The following BRCA1 variants were observed in gnomAD, a reference collection of about 807,000 sequenced individuals.
The protein encoded by BRCA1 is breast cancer type 1 susceptibility protein.
In BRCA1, 140 loss-of-function variants were observed where a neutral mutation model predicts 173.7. The ratio of observed to expected loss-of-function variants is 0.81; its 90% confidence interval spans 0.70 to 0.93. BRCA1 has a LOEUF of 0.93. Ranked by LOEUF, BRCA1 falls within the 40% of genes least tolerant of loss-of-function variation. BRCA1 has a pLI of 0.00. For synonymous variants in BRCA1, 662 were observed against 756.0 expected (o/e 0.88, Z 2.04); for missense variants, 1,983 against 2,172.5 (o/e 0.91, Z 1.73).
chr17:43,138,523 A>G lies in BRCA1; in HGVS notation c.-19-14408T>C, dbSNP rs139632350. The G allele has an allele frequency of 9.1e-6, 6 of 660,362 alleles. No individual in the cohort carries two copies. In the East Asian group the frequency reaches 1.6e-4, roughly 18 times the overall value. The allele number at this position is 660,362 out of a possible 1,614,324, so 40.9% of individuals were successfully genotyped here. On this transcript the variant is annotated intron_variant, in intron 1 of 7. Coordinates refer to the BRCA1 transcript ENST00000634433. ...TTCTTTTGCAAAGCCTCGGACACCC[A>G]AACACCTACCAAAAGTGGGTAGGGT...
intron 1 of BRCA1, among the ~76,000 whole-genome samples, chr17:43,149,187 C>T (rs920908229): frequency 6.6e-6 from 1 of 151,798 alleles, no homozygotes; most frequent in African/African-American, 2.4e-5. Context: ...CAAGCTCTGC[C>T]TCCTAGGTTC....
chr17:43,094,880 A>G lies in BRCA1; in HGVS notation c.671-20T>C, dbSNP rs1392175166. ...AAGCAGCTGAAAATATACAAAAATAACAAGGTACTCAAAAACTGAATTGTC... is the reference window on the plus strand; with the variant it reads ...AAGCAGCTGAAAATATACAAAAATAGCAAGGTACTCAAAAACTGAATTGTC... On this transcript the variant is annotated intron_variant, in intron 9 of 22. Coordinates refer to ENST00000357654, the MANE Select transcript of BRCA1 (RefSeq NM_007294.4). 1 of 1,591,076 alleles carries G rather than the reference A, an allele frequency of 6.3e-7. No individual in the cohort carries two copies. The highest frequency in any genetic ancestry group is 8.6e-7 in the Non-Finnish European group (1 of 1,167,096).
intron 19 of BRCA1, among the ~76,000 whole-genome samples, chr17:43,053,530 C>T (rs1289625534): frequency 6.6e-6 from 1 of 151,912 alleles, no homozygotes; most frequent in Non-Finnish European, 1.5e-5. Context: ...GGCATGGTGG[C>T]GGGCACCTGT....
rs1555582581 is a variant in BRCA1 at position 43,076,523 on chromosome 17, A to T, written c.4449T>A (p.Ser1483Arg). 1 of 1,613,810 alleles carries T rather than the reference A, an allele frequency of 6.2e-7. No individual in the cohort carries two copies. Among genetic ancestry groups the T allele is most frequent in the South Asian group, 1.1e-5 (1 of 91,080 alleles). Residue 1483 changes from serine (S) to arginine (R), a missense_variant, in exon 13 of 23, where the codon AGT becomes AGA. Physicochemically the swap from Ser to Arg is moderately radical, Grantham distance 110 (BLOSUM62 -1). Transcript: ENST00000357654. Reference sequence around the variant, plus strand: ...CTGGTTCTTTATTTTTACTGGTAGAACTATCTGCAGACACCTCAAACTTGT... The same window carrying T: ...CTGGTTCTTTATTTTTACTGGTAGATCTATCTGCAGACACCTCAAACTTGT... ...SADKFEVSAD[S>R]STSKNKEPGV...
chr17:43,079,856 A>G (rs2052923402), intron 12 of BRCA1: 2 of 670,830 alleles, frequency 3.0e-6, no homozygotes, highest in East Asian at 2.7e-5. Context: ...CAGAACATTT[A>G]GCATATAAAT....
At chr17:43,149,792 CTTTT>C (rs1433114022) in intron 1 of BRCA1, among the ~76,000 whole-genome samples, 1 of 151,990 alleles carries the variant, frequency 6.6e-6, no homozygotes, top group African/African-American at 2.4e-5. Context: ...CCCTCAGTTT[CTTTT>C]TTTTGTTTTT....
intron 8 of BRCA1, 151 bp from the exon 9 acceptor site, chr17:43,096,073 C>A: frequency 1.4e-6 from 1 of 713,370 alleles, no homozygotes; most frequent in South Asian, 1.6e-5. Flanking sequence ...CCTTTAGAAA[C>A]TTCTAGTTGA....
At chr17:43,120,922 G>T (rs947855226) in intron 2 of BRCA1, among the ~76,000 whole-genome samples, 6 of 151,678 alleles carry the variant, frequency 4.0e-5, no homozygotes, top group African/African-American at 1.5e-4. Context: ...AAATTAGCCG[G>T]CCACGGTGGC....
intron 1 of BRCA1, among the ~76,000 whole-genome samples, chr17:43,169,301 C>A (rs2056298316): frequency 6.6e-6 from 1 of 152,188 alleles, no homozygotes; most frequent in East Asian, 1.9e-4. Context: ...GCCTCAGCTC[C>A]TGAGTAGCTG....
chr17:43,061,849 T>C (rs2051774373), intron 18 of BRCA1, among the ~76,000 whole-genome samples: 3 of 152,046 alleles, frequency 2.0e-5, no homozygotes. Flanking sequence ...CCACTCAAAG[T>C]GCTGGGATTA....
At chr17:43,101,725 C>A (rs2054485140) in intron 6 of BRCA1, among the ~76,000 whole-genome samples, 2 of 151,894 alleles carry the variant, frequency 1.3e-5, no homozygotes, top group Admixed American at 1.3e-4. Flanking sequence ...TGGTCTCAAA[C>A]TCCTGACCTC....
In BRCA1 at chr17:43,094,202, T is replaced by C. The variant is rs771892131; in HGVS notation, c.1329A>G (p.Lys443=). Residue 443 remains lysine (K), a synonymous_variant, in exon 10 of 23, where the codon AAA becomes AAG. Coordinates refer to ENST00000357654, the MANE Select transcript of BRCA1 (RefSeq NM_007294.4). ...ASDPHEALIC[K]SERVHSKSVE... Reference sequence around the variant, plus strand: ...CTGATTTGGAGTGAACTCTTTCACTTTTACATATTAAAGCCTCATGAGGAT... The same window carrying C: ...CTGATTTGGAGTGAACTCTTTCACTCTTACATATTAAAGCCTCATGAGGAT... 11 of 1,614,090 alleles carry C rather than the reference T, an allele frequency of 6.8e-6. No individual in the cohort carries two copies. The highest frequency in any genetic ancestry group is 8.5e-7 in the Non-Finnish European group (1 of 1,180,018).
rs1317484990 is a variant in BRCA1, at chr17:43,045,464, G to A, written c.*214C>T. ...AGGTGAAAAATTACCATAATTTTGT[G>A]CTCATGGCAGATTTCCAAGGGAGAC... is the stretch of plus-strand genomic sequence containing the variant. On this transcript the variant is annotated 3_prime_UTR_variant, in exon 23 of 23. Coordinates refer to ENST00000357654, the MANE Select transcript of BRCA1 (RefSeq NM_007294.4). 5.3e-6 allele frequency: 4 copies of A among 758,820 alleles called. No individual in the cohort carries two copies. The Admixed American group carries it at 6.0e-5, about 11-fold the overall frequency. 47.0% of individuals were successfully genotyped at this position (758,820 alleles called of 1,614,324 possible).
intron 20 of BRCA1, 86 bp downstream of exon 20, chr17:43,050,977 C>T: frequency 1.5e-6 from 2 of 1,320,698 alleles, no homozygotes; most frequent in South Asian, 2.4e-5. Flanking sequence ...ATCTGAGGAA[C>T]CCCCATCGTG....
At chr17:43,135,458 A>G (rs1555602961) in intron 1 of BRCA1, among the ~76,000 whole-genome samples, 1 of 152,220 alleles carries the variant, frequency 6.6e-6, no homozygotes, top group Non-Finnish European at 1.5e-5. Context: ...TGCGACAGGG[A>G]CCTGATACAA....
intron 1 of BRCA1, among the ~76,000 whole-genome samples, chr17:43,139,398 C>G (rs1195448344): frequency 6.6e-6 from 1 of 151,460 alleles, no homozygotes; most frequent in Admixed American, 6.6e-5. Context: ...GAGTCTCGCT[C>G]TGTTGCCCAG....
upstream of BRCA1, among the ~76,000 whole-genome samples, chr17:43,127,177 A>G (rs1462082147): frequency 2.0e-5 from 3 of 152,194 alleles, no homozygotes; most frequent in African/African-American, 4.8e-5. Context: ...GCCCGGTCCC[A>G]TCGACTGCCC....
chr17:43,094,626 G>A lies in BRCA1; in HGVS notation c.905C>T (p.Ala302Val), dbSNP rs1418676444. The A allele has an allele frequency of 6.2e-7, 1 of 1,613,924 alleles. No individual in the cohort carries two copies. The highest frequency in any genetic ancestry group is 8.5e-7 in the Non-Finnish European group (1 of 1,180,026). Residue 302 changes from alanine to valine, a missense_variant, in exon 10 of 23, where the codon GCT becomes GTT. Physicochemically the swap from Ala to Val is moderately conservative, Grantham distance 64. Transcript: ENST00000357654. ...CTGTTTGCTTTTATTACAGAATTCA[G>A]CCTTTTCTACATTCATTCTGTCTTT... ...LTKDRMNVEKAEFCNKSKQPG... is the reference protein window; with the variant it reads ...LTKDRMNVEKVEFCNKSKQPG...
intron 1 of BRCA1, among the ~76,000 whole-genome samples, chr17:43,153,976 C>T (rs1165038332): frequency 6.6e-6 from 1 of 151,988 alleles, no homozygotes; most frequent in Non-Finnish European, 1.5e-5. Context: ...CACCTGAGCT[C>T]AGGAGTTCTA....
Sources: allele counts gnomAD v4.1 joint callset (sites outside exome capture counted in the v4.1 genomes callset), GRCh38; gene constraint gnomAD v4.1.1; transcripts MANE v1.5; gene names NCBI Gene and HGNC (gene_info 2026-07-23, HGNC 2026-07-21).